The following RNF123 variants were observed in gnomAD, a reference collection of about 807,000 sequenced individuals.
The protein encoded by RNF123 is E3 ubiquitin-protein ligase RNF123.
RNF123 carries 86 observed loss-of-function variants against 168.5 expected under a neutral mutation model. The observed-to-expected ratio is 0.51, with a 90% CI of 0.43 to 0.61. RNF123 has a LOEUF of 0.61. RNF123 is among the 20% of genes least tolerant of loss of function. RNF123 has a pLI of 0.00. For synonymous variants in RNF123, 666 were observed against 689.1 expected (o/e 0.97, Z 0.52); for missense variants, 1,419 against 1,729.7 (o/e 0.82, Z 3.19).
intron 9 of RNF123, 55 bp downstream of exon 9, chr3:49,698,877 C>G (rs2054320806): frequency 6.2e-7 from 1 of 1,605,878 alleles, no homozygotes; most frequent in South Asian, 1.1e-5. Context: ...CCCAGACTGC[C>G]CCCAGTTTCC....
intron 3 of RNF123, among the ~76,000 whole-genome samples, chr3:49,696,651 T>TC (rs1251033432): frequency 1.3e-5 from 2 of 148,252 alleles, no homozygotes; most frequent in Non-Finnish European, 3.0e-5. Flanking sequence ...ACTTTTTTTT[T>TC]TTTTTTTTTT....
chr3:49,706,643 C>T, intron 25 of RNF123, 148 bp from the exon 26 acceptor site: 2 of 666,636 alleles, frequency 3.0e-6, no homozygotes, highest in Non-Finnish European at 5.3e-6. Context: ...ACCAGAGGGT[C>T]AGTGGCAGAA....
Position 49,713,731 on chromosome 3 carries a change from C to A in RNF123, c.2750-7C>A, listed in dbSNP as rs1253455768. 3 of 1,594,748 alleles carry A rather than the reference C, an allele frequency of 1.9e-6. No individual in the cohort carries two copies. The highest frequency in any genetic ancestry group is 1.8e-5 in the Admixed American group (1 of 56,994). Reference sequence around the variant, plus strand: ...AGCCCCTGCTGAGGCACGGTGTGTCCCCGCAGACATCCGAGACTCACTGAT... The same window carrying A: ...AGCCCCTGCTGAGGCACGGTGTGTCACCGCAGACATCCGAGACTCACTGAT... On this transcript the variant is annotated splice_polypyrimidine_tract_variant and splice_region_variant and intron_variant, in intron 28 of 38. Transcript: ENST00000327697.
At chr3:49,700,171 G>A in intron 12 of RNF123, 56 bp from the exon 13 acceptor site, 1 of 1,606,730 alleles carries the variant, frequency 6.2e-7, no homozygotes, top group Admixed American at 1.7e-5. Flanking sequence ...CCAGGGCAGG[G>A]GTGCCTTGAC....
chr3:49,702,446 G>A (rs764813771), intron 19 of RNF123, 41 bp downstream of exon 19: 18 of 1,607,414 alleles, frequency 1.1e-5, no homozygotes, highest in Non-Finnish European at 1.5e-5. Flanking sequence ...ATCCCCGGCT[G>A]CACTACACAT....
At chr3:49,691,047 A>G in intron 1 of RNF123, 83 bp from the exon 2 acceptor site, 1 of 796,630 alleles carries the variant, frequency 1.3e-6, no homozygotes, top group African/African-American at 1.7e-5. Context: ...CCTGCTCCCA[A>G]GCCTTCCTGC....
chr3:49,696,349 C>CTTTTT (rs751323081), intron 3 of RNF123, among the ~76,000 whole-genome samples: 1 of 138,072 alleles, frequency 7.2e-6, no homozygotes, highest in Non-Finnish European at 1.6e-5. Flanking sequence ...GAGAGGGCTA[C>CTTTTT]TTTTTTTTTT....
At chr3:49,720,707 AGCCTTAAGAACAGCAAAGTCCTAG>A in intron 36 of RNF123, 54 bp downstream of exon 36, 5 of 1,601,772 alleles carry the variant, frequency 3.1e-6, no homozygotes, top group Non-Finnish European at 4.3e-6. Flanking sequence ...TCGGGTCAGG[AGCCTTAAGAACAGCAAAGTCCTAG>A]GCTGGGAATA....
intron 26 of RNF123, among the ~76,000 whole-genome samples, chr3:49,709,560 A>T (rs1489731258): frequency 1.3e-5 from 2 of 151,892 alleles, no homozygotes. Context: ...TCGGCCTCCC[A>T]AAGTGCTGGG....
rs2054389293 is a variant in RNF123 at position 49,701,616 on chromosome 3, C to T, written c.1395+8C>T. The T allele has an allele frequency of 1.2e-6, 2 of 1,607,372 alleles. No homozygotes were observed. Among genetic ancestry groups the T allele is most frequent in the Non-Finnish European group, 1.7e-6 (2 of 1,174,492 alleles). On this transcript the variant is annotated splice_region_variant and intron_variant, in intron 16 of 38. Transcript: ENST00000327697. The stretch of plus-strand genomic sequence containing the variant: ...CACTGCTCCAGTAGGGAGGTGAGTG[C>T]ACCCCAAGTGGGATGGGCAGAGGTC...
intron 35 of RNF123, chr3:49,718,504 G>A (rs1435513430): frequency 1.9e-6 from 3 of 1,613,068 alleles, no homozygotes; most frequent in Non-Finnish European, 2.5e-6. Context: ...GGATCCTGGC[G>A]CCCTGAGAAG....
chr3:49,702,382 CAGG>C lies in RNF123; in HGVS notation c.1609_1611del (p.Glu537del), dbSNP rs758663457. ...CCTGACCAAGTTTCGCAAGTTTCTG[CAGG>C]AGAACGCCAGTGGCCGGGGGGTAGG... On this transcript the variant is annotated inframe_deletion, in exon 19 of 39. Coordinates refer to ENST00000327697, the MANE Select transcript of RNF123 (RefSeq NM_022064.5). 2 of 1,614,210 alleles carry C rather than the reference CAGG, an allele frequency of 1.2e-6. No homozygotes were observed. The highest frequency in any genetic ancestry group is 2.2e-5 in the South Asian group (2 of 91,088).
chr3:49,719,351 T>TA, intron 35 of RNF123: 3 of 1,613,466 alleles, frequency 1.9e-6, no homozygotes, highest in South Asian at 1.1e-5. Context: ...GCAGCGCAGA[T>TA]ACATTTGTAG....
At chr3:49,716,343 T>C (rs542233017) in intron 34 of RNF123, 50 bp from the exon 35 acceptor site, 50 of 1,591,922 alleles carry the variant, frequency 3.1e-5, no homozygotes, top group East Asian at 2.7e-4. Flanking sequence ...CTGGAGCCCT[T>C]GAAGCAGGAG....
At chr3:49,704,827 C>T (rs538449424) in intron 22 of RNF123, 71 bp downstream of exon 22, 10 of 1,446,120 alleles carry the variant, frequency 6.9e-6, no homozygotes, top group Non-Finnish European at 9.4e-6. Context: ...GGGGTCTCAT[C>T]CAGGGCCACT....
At chr3:49,719,099 C>A (rs776365837) in intron 35 of RNF123, 2 of 1,613,550 alleles carry the variant, frequency 1.2e-6, no homozygotes, top group Non-Finnish European at 1.7e-6. Flanking sequence ...CGGCCAAGCG[C>A]CCGCAACGTG....
At chr3:49,720,331 A>C (rs1056525071) in intron 35 of RNF123, 180 bp from the exon 36 acceptor site, 55 of 507,094 alleles carry the variant, frequency 1.1e-4, no homozygotes, top group African/African-American at 9.4e-4. Context: ...AAAAAAAAAA[A>C]AACAGGCTGT....
chr3:49,702,308 C>T (rs1274961745), intron 18 of RNF123, 26 bp from the exon 19 acceptor site: 1 of 1,612,828 alleles, frequency 6.2e-7, no homozygotes, highest in Non-Finnish European at 8.5e-7. Context: ...CAGCTCAGCA[C>T]AGCCTCACTT....
Position 49,713,585 on chromosome 3 carries a change from C to T in RNF123, c.2747C>T (p.Thr916Ile). The part of the protein sequence containing the change: ...KHFADARIVG[T>I]DIRDSLMQAL... ...TTTGCCGACGCACGCATTGTGGGCACTGGTGAGGGGCCCCTACAGAGGGTA... is the reference window on the plus strand; with the variant it reads ...TTTGCCGACGCACGCATTGTGGGCATTGGTGAGGGGCCCCTACAGAGGGTA... Residue 916 changes from threonine to isoleucine, a missense_variant and splice_region_variant, in exon 28 of 39, where the codon ACT (threonine) becomes ATT (isoleucine). Transcript: ENST00000327697. The T allele has an allele frequency of 6.2e-7, 1 of 1,611,952 alleles. No homozygotes were observed. The highest frequency in any genetic ancestry group is 8.5e-7 in the Non-Finnish European group (1 of 1,179,126).
Sources: allele counts gnomAD v4.1 joint callset (sites outside exome capture counted in the v4.1 genomes callset), GRCh38; gene constraint gnomAD v4.1.1; transcripts MANE v1.5; gene names NCBI Gene and HGNC (gene_info 2026-07-23, HGNC 2026-07-21).